The following AKAP19 variants were observed in gnomAD, a reference collection of about 807,000 sequenced individuals.
AKAP19 encodes small A-kinase anchoring protein.
At chr2:189,894,006 G>C in the AKAP19 span, among the ~76,000 whole-genome samples, 1 of 152,070 alleles carries the variant, frequency 6.6e-6, no homozygotes, top group Non-Finnish European at 1.5e-5. Flanking sequence ...ATACATTATA[G>C]TACCATTAGG....
chr2:190,067,164 G>A, the AKAP19 span, among the ~76,000 whole-genome samples: 3,706 of 152,180 alleles, frequency 0.024, 159 homozygotes, highest in East Asian at 0.18. Flanking sequence ...GCATATTCAA[G>A]CATGCATTTT....
the AKAP19 span, among the ~76,000 whole-genome samples, chr2:190,046,628 T>C: frequency 1.3e-5 from 2 of 152,226 alleles, no homozygotes; most frequent in African/African-American, 4.8e-5. Context: ...CACCAGCATC[T>C]TTCCATTCTA....
At chr2:190,199,902 C>T in the AKAP19 span, 1 of 1,613,994 alleles carries the variant, frequency 6.2e-7, no homozygotes. Flanking sequence ...CATTTCCTAC[C>T]ATATATGAAG....
At chr2:189,939,270 G>A in the AKAP19 span, among the ~76,000 whole-genome samples, 1 of 152,126 alleles carries the variant, frequency 6.6e-6, no homozygotes, top group African/African-American at 2.4e-5. Context: ...AAAACCCCTA[G>A]CCAGACTTTC....
chr2:189,970,597 T>C, the AKAP19 span, among the ~76,000 whole-genome samples: 2 of 152,318 alleles, frequency 1.3e-5, no homozygotes, highest in South Asian at 2.1e-4. Context: ...TAATAGTCCA[T>C]GGTAATTTCA....
chr2:189,982,892 A>C, the AKAP19 span, among the ~76,000 whole-genome samples: 5 of 152,242 alleles, frequency 3.3e-5, no homozygotes, highest in Non-Finnish European at 7.4e-5. Context: ...AAAGGCTGAC[A>C]GTGTGGAGGT....
chr2:190,083,734 T>C, the AKAP19 span, among the ~76,000 whole-genome samples: 1 of 152,124 alleles, frequency 6.6e-6, no homozygotes, highest in Non-Finnish European at 1.5e-5. Context: ...AGAGTCCACA[T>C]AGCAAGAAGC....
chr2:189,898,443 C>T, the AKAP19 span, among the ~76,000 whole-genome samples: 224 of 152,038 alleles, frequency 1.5e-3, no homozygotes, highest in Non-Finnish European at 2.2e-3. Flanking sequence ...AATTTCCCAC[C>T]TACTTTCATC....
the AKAP19 span, among the ~76,000 whole-genome samples, chr2:190,147,080 CAA>C: frequency 6.6e-6 from 1 of 152,248 alleles, no homozygotes; most frequent in East Asian, 1.9e-4. Flanking sequence ...TTGCCTAAGC[CAA>C]TGTCTAGAAG....
chr2:189,904,861 G>C, the AKAP19 span, among the ~76,000 whole-genome samples: 2 of 151,956 alleles, frequency 1.3e-5, no homozygotes, highest in South Asian at 2.1e-4. Flanking sequence ...TCTCACTTAA[G>C]AAATGAAGGC....
chr2:190,005,186 G>C, the AKAP19 span, among the ~76,000 whole-genome samples: 1 of 152,168 alleles, frequency 6.6e-6, no homozygotes, highest in Non-Finnish European at 1.5e-5. Context: ...GATTTATTGT[G>C]AAGAATGAAT....
chr2:190,094,972 C>T, the AKAP19 span, among the ~76,000 whole-genome samples: 1 of 152,178 alleles, frequency 6.6e-6, no homozygotes. Flanking sequence ...CGCCGGTAAT[C>T]CCAGCACTTT....
At chr2:190,152,226 C>G in the AKAP19 span, among the ~76,000 whole-genome samples, 2 of 152,042 alleles carry the variant, frequency 1.3e-5, no homozygotes, top group Admixed American at 1.3e-4. Context: ...TAAATATCAC[C>G]TATGTTGTTT....
At chr2:190,192,452 C>CTGTGTGTGTGTGTGTGTGTG in the AKAP19 span, among the ~76,000 whole-genome samples, 451 of 145,336 alleles carry the variant, frequency 3.1e-3, 2 homozygotes, top group African/African-American at 0.011. Context: ...AATTCAGAAT[C>CTGTGTGTGTGTGTGTGTGTG]TGTGTGTGTG....
At chr2:189,991,532 T>G in the AKAP19 span, among the ~76,000 whole-genome samples, 1 of 152,172 alleles carries the variant, frequency 6.6e-6, no homozygotes, top group Non-Finnish European at 1.5e-5. Flanking sequence ...TGCCCACTTT[T>G]TGATGGGATT....
the AKAP19 span, chr2:189,924,122 G>C: frequency 6.2e-7 from 1 of 1,611,014 alleles, no homozygotes; most frequent in Non-Finnish European, 8.5e-7. Flanking sequence ...TGAAGATGGG[G>C]GGATGACCAG....
the AKAP19 span, among the ~76,000 whole-genome samples, chr2:190,082,396 C>T: frequency 6.6e-6 from 1 of 152,222 alleles, no homozygotes; most frequent in South Asian, 2.1e-4. Flanking sequence ...CTGCAGGCTA[C>T]AACCCTTTAT....
chr2:189,897,830 A>G, the AKAP19 span, among the ~76,000 whole-genome samples: 1 of 152,188 alleles, frequency 6.6e-6, no homozygotes, highest in Non-Finnish European at 1.5e-5. Flanking sequence ...CTGAATGGGT[A>G]ACAGTGTTGA....
At chr2:190,125,095 T>G in the AKAP19 span, among the ~76,000 whole-genome samples, 1 of 152,086 alleles carries the variant, frequency 6.6e-6, no homozygotes, top group Non-Finnish European at 1.5e-5. Flanking sequence ...GGAGGCTGTT[T>G]TACAATTAAC....
Sources: allele counts gnomAD v4.1 joint callset (sites outside exome capture counted in the v4.1 genomes callset), GRCh38; gene constraint gnomAD v4.1.1; transcripts MANE v1.5; gene names NCBI Gene and HGNC (gene_info 2026-07-23, HGNC 2026-07-21).